Variants in CFAP251 observed in about 807,000 individuals in gnomAD.
The protein encoded by CFAP251 is cilia- and flagella-associated protein 251.
Under a neutral mutation model 126.7 loss-of-function variants are expected in CFAP251, and 93 were observed. That is an observed-to-expected ratio of 0.73 (90% CI 0.62 to 0.87). CFAP251 has a LOEUF of 0.87. Among genes scored for constraint, CFAP251 ranks in the 40% least tolerant of loss-of-function variants. The pLI is 0.00. For synonymous variants in CFAP251, 503 were observed against 506.9 expected (o/e 0.99, Z 0.10); for missense variants, 1,287 against 1,389.2 (o/e 0.93, Z 1.17).
At chr12:121,939,252 C>T (rs1214313577) in intron 5 of CFAP251, among the ~76,000 whole-genome samples, 1 of 152,096 alleles carries the variant, frequency 6.6e-6, no homozygotes, top group East Asian at 1.9e-4. Context: ...TCAACTTATG[C>T]TACAGGGGAC....
chr12:121,949,544 C>T (rs995971429), intron 8 of CFAP251: 1 of 132,650 alleles, frequency 7.5e-6, no homozygotes, highest in African/African-American at 3.0e-5. Context: ...AATTAGCAAA[C>T]AGATTAGTGA....
chr12:121,959,099 G>A lies in CFAP251; in HGVS notation c.2133+5G>A, dbSNP rs1881836715. 6.3e-7 allele frequency: 1 copy of A among 1,578,698 alleles called. No individual in the cohort carries two copies. The highest frequency in any genetic ancestry group is 8.6e-7 in the Non-Finnish European group (1 of 1,168,312). The stretch of plus-strand genomic sequence containing the variant: ...TCCCAGTATATGGCAACTGCTGTAA[G>A]TATTTTCATGGACAACCCATCCAGT... On this transcript the variant is annotated splice_donor_5th_base_variant and intron_variant, in intron 13 of 21. Transcript: ENST00000288912.
intron 17 of CFAP251, among the ~76,000 whole-genome samples, chr12:121,970,760 A>T (rs2135795534): frequency 6.6e-6 from 1 of 152,350 alleles, no homozygotes; most frequent in East Asian, 1.9e-4. Context: ...ACAGCGGCAC[A>T]CTTGGTGCTC....
At chr12:121,977,298 C>T (rs941690836) in intron 19 of CFAP251, among the ~76,000 whole-genome samples, 35 of 152,210 alleles carry the variant, frequency 2.3e-4, no homozygotes, top group African/African-American at 8.4e-4. Context: ...GAACCACCAT[C>T]ATATATGCAA....
At chr12:121,983,753 A>G (rs1565922201) in intron 19 of CFAP251, among the ~76,000 whole-genome samples, 1 of 151,762 alleles carries the variant, frequency 6.6e-6, no homozygotes, top group East Asian at 1.9e-4. Context: ...AAAAAAAAAA[A>G]CGTTTCCTCT....
chr12:121,957,584 G>A (rs375484087), intron 11 of CFAP251, among the ~76,000 whole-genome samples: 2 of 151,702 alleles, frequency 1.3e-5, no homozygotes, highest in East Asian at 1.9e-4. Context: ...GGTGCCTGTA[G>A]TCCCAGCTAC....
At chr12:121,977,240 T>C (rs1882482814) in intron 19 of CFAP251, among the ~76,000 whole-genome samples, 1 of 152,154 alleles carries the variant, frequency 6.6e-6, no homozygotes, top group African/African-American at 2.4e-5. Flanking sequence ...TCTAAGCATA[T>C]CTAAATGAAG....
At chr12:121,931,432 C>A (rs564902553) in intron 3 of CFAP251, among the ~76,000 whole-genome samples, 1 of 152,292 alleles carries the variant, frequency 6.6e-6, no homozygotes, top group South Asian at 2.1e-4. Flanking sequence ...CCTGCCTCAG[C>A]CTCCCAAGTA....
rs761745286 is a variant in CFAP251, at chr12:121,923,661, T to A, written c.418T>A (p.Leu140Met). 6.2e-7 allele frequency: 1 copy of A among 1,613,102 alleles called. No homozygotes were observed. The highest frequency in any genetic ancestry group is 2.2e-5 in the East Asian group (1 of 44,890). The part of the protein sequence containing the change: ...RGSKSKLSLQ[L>M]EDAETDELLR... ...TAGCAAGTCAAAGCTTTCCTTACAA[T>A]TGGAGGATGCAGAAACAGATGAGCT... Residue 140 changes from leucine (L) to methionine (M), a missense_variant, in exon 3 of 22, where the codon TTG becomes ATG. By Grantham distance (15) the Leu-to-Met change is conservative. Transcript: ENST00000288912.
intron 5 of CFAP251, among the ~76,000 whole-genome samples, chr12:121,934,644 G>A (rs1254427502): frequency 1.3e-5 from 2 of 152,192 alleles, no homozygotes; most frequent in African/African-American, 4.8e-5. Context: ...TTGCTACCAA[G>A]TGTTCGTGTC....
intron 19 of CFAP251, among the ~76,000 whole-genome samples, chr12:121,981,592 C>T (rs1882624479): frequency 6.6e-6 from 1 of 152,216 alleles, no homozygotes; most frequent in Admixed American, 6.5e-5. Flanking sequence ...CCTTTCAAAC[C>T]CAGGTGCCCC....
chr12:121,982,586 C>G (rs1229803380), intron 19 of CFAP251, among the ~76,000 whole-genome samples: 1 of 152,090 alleles, frequency 6.6e-6, no homozygotes, highest in Non-Finnish European at 1.5e-5. Context: ...CCATGTTGGT[C>G]AGGCTGGTCT....
In CFAP251 at chr12:121,921,666, A is replaced by G. The variant is rs759113382; in HGVS notation, c.361A>G (p.Thr121Ala). Reference sequence around the variant, plus strand: ...ACAGATTACTGATTCCCAGTCAATCACATCAGGAATTTTCCCAGTAAGTAG... The same window carrying G: ...ACAGATTACTGATTCCCAGTCAATCGCATCAGGAATTTTCCCAGTAAGTAG... The part of the protein sequence containing the change: ...ETQITDSQSI[T>A]SGIFPKTQRG... Residue 121 changes from threonine to alanine, a missense_variant, in exon 2 of 22, where the codon ACA (threonine) becomes GCA (alanine). Transcript: ENST00000288912. 6.2e-7 allele frequency: 1 copy of G among 1,604,632 alleles called. No homozygotes were observed. Among genetic ancestry groups the G allele is most frequent in the South Asian group, 1.1e-5 (1 of 89,300 alleles).
chr12:121,997,018 G>T (rs1883034102), intron 19 of CFAP251: 1 of 152,178 alleles, frequency 6.6e-6, no homozygotes, highest in South Asian at 2.1e-4. Flanking sequence ...GTAACCTGCG[G>T]GTGACAACTC....
intron 16 of CFAP251, 78 bp from the exon 17 acceptor site, chr12:121,967,928 G>A: frequency 7.6e-7 from 1 of 1,307,552 alleles, no homozygotes; most frequent in Non-Finnish European, 1.1e-6. Context: ...CAGATCTGGA[G>A]GTGACATGTG....
At chr12:121,988,154 T>C (rs1432948673) in intron 19 of CFAP251, among the ~76,000 whole-genome samples, 2 of 152,038 alleles carry the variant, frequency 1.3e-5, no homozygotes, top group African/African-American at 4.8e-5. Context: ...TAAATTAATG[T>C]TCTTAGAATC....
chr12:121,962,708 A>AAAAAGGAAAAGG (rs569516559), intron 15 of CFAP251, among the ~76,000 whole-genome samples: 1 of 148,088 alleles, frequency 6.8e-6, no homozygotes, highest in Non-Finnish European at 1.5e-5. Flanking sequence ...AGAAAAAAAA[A>AAAAAGGAAAAGG]AAAAGGAAAA....
intron 3 of CFAP251, among the ~76,000 whole-genome samples, chr12:121,930,956 C>T (rs909490018): frequency 2.6e-5 from 4 of 152,068 alleles, no homozygotes; most frequent in Non-Finnish European, 5.9e-5. Context: ...ACCATTTTGG[C>T]CAGGCTGGTC....
chr12:121,964,089 G>T (rs1025937808), intron 15 of CFAP251, among the ~76,000 whole-genome samples: 2 of 152,146 alleles, frequency 1.3e-5, no homozygotes, highest in Non-Finnish European at 2.9e-5. Context: ...GACTATCATG[G>T]TTTTGAAATG....
Sources: allele counts gnomAD v4.1 joint callset (sites outside exome capture counted in the v4.1 genomes callset), GRCh38; gene constraint gnomAD v4.1.1; transcripts MANE v1.5; gene names NCBI Gene and HGNC (gene_info 2026-07-23, HGNC 2026-07-21).